Variants in PDP2 observed in about 807,000 individuals in gnomAD.
PDP2 encodes [Pyruvate dehydrogenase [acetyl-transferring]]-phosphatase 2, mitochondrial.
PDP2 carries 23 observed loss-of-function variants against 34.2 expected under a neutral mutation model. The observed-to-expected ratio is 0.67, with a 90% CI of 0.48 to 0.95. The LOEUF (loss-of-function observed/expected upper bound fraction) is 0.95, where lower values mean the gene tolerates loss of function less well. PDP2 is among the 40% of genes least tolerant of loss of function. The probability of loss-of-function intolerance (pLI) is 0.00; values close to 1 mark genes in which losing one functional copy is unlikely to be tolerated. For missense variants in PDP2, 571 were observed against 659.6 expected, an observed-to-expected ratio of 0.87 and a Z score of 1.47; for synonymous variants, 275 against 269.2, an observed-to-expected ratio of 1.02 and a Z score of -0.21.
chr16:66,885,745 G>A lies in PDP2; in HGVS notation c.1461G>A (p.Met487Ile), dbSNP rs1460352117. 6.2e-7 allele frequency: 1 copy of A among 1,613,858 alleles called. No homozygotes were observed. Among genetic ancestry groups the A allele is most frequent in the African/African-American group, 1.3e-5 (1 of 74,942 alleles). Residue 487 changes from methionine to isoleucine, a missense_variant, in exon 2 of 2, where the codon ATG (methionine) becomes ATA (isoleucine). This residue lies in a region of PDP2 where 281 missense variants were observed against 375.8 expected (regional missense o/e 0.75). Transcript: ENST00000311765. This position sits in a 1 kb window ranked among gnomAD's most constrained non-coding sequence, Gnocchi z 4.6. ...TCGGGAACAATGAGTATGGGGAGAT[G>A]GAGGCAGAGCGGCTGGCGGCGATGC... ...HAIGNNEYGEMEAERLAAMLT... is the reference protein window; with the variant it reads ...HAIGNNEYGEIEAERLAAMLT...
In PDP2 at chr16:66,885,731, G is replaced by A; in HGVS notation, c.1447G>A (p.Glu483Lys). Residue 483 changes from glutamate (E) to lysine (K), a missense_variant, in exon 2 of 2, where the codon GAG (glutamate) becomes AAG (lysine). By Grantham distance (56) the Glu-to-Lys change is moderately conservative. Coordinates refer to ENST00000311765, the MANE Select transcript of PDP2 (RefSeq NM_020786.4). The surrounding 1 kb of genome is among the most constrained non-coding windows in gnomAD (Gnocchi z 4.6). ...RLIRHAIGNN[E>K]YGEMEAERLA... ...GATCAGACATGCCATCGGGAACAAT[G>A]AGTATGGGGAGATGGAGGCAGAGCG... The A allele has an allele frequency of 6.2e-7, 1 of 1,614,038 alleles. No homozygotes were observed. Among genetic ancestry groups the A allele is most frequent in the Non-Finnish European group, 8.5e-7 (1 of 1,180,030 alleles).
chr16:66,882,854 C>G (rs1961579535), intron 1 of PDP2, among the ~76,000 whole-genome samples: 2 of 152,184 alleles, frequency 1.3e-5, no homozygotes, highest in Admixed American at 6.5e-5. Flanking sequence ...GAGACAGGGT[C>G]TTGCTCTGTT....
In PDP2 at chr16:66,889,232, A is replaced by G. The variant is rs1961906577; in HGVS notation, c.*3358A>G. 1 of 152,270 alleles carries G rather than the reference A, an allele frequency of 6.6e-6. No homozygotes were observed. Among genetic ancestry groups the G allele is most frequent in the Non-Finnish European group, 1.5e-5 (1 of 68,048 alleles). The allele number at this position is 152,270 out of a possible 1,614,324, so 9.4% of individuals were successfully genotyped here. ...TTTGGATGTAACTTTTGAAGAAAGTATGCTTTGGTGCTTAAAATTGTATAT... is the reference window on the plus strand; with the variant it reads ...TTTGGATGTAACTTTTGAAGAAAGTGTGCTTTGGTGCTTAAAATTGTATAT... On this transcript the variant is annotated 3_prime_UTR_variant, in exon 2 of 2. Transcript: ENST00000311765.
At position 66,884,617 on chromosome 16, in the gene PDP2, CA is replaced by C. The variant is rs770572421; in HGVS notation, c.335del (p.Asn112ThrfsTer15). On this transcript the variant is annotated frameshift_variant, in exon 2 of 2. Coordinates refer to ENST00000311765, the MANE Select transcript of PDP2 (RefSeq NM_020786.4). LOFTEE classifies it high-confidence loss of function. ...CAAATTCAGTGTTGCGGTTTGAGAG[CA>C]ACCAGCTGGCTGCCAATTCCCCAGT... Reference protein sequence around the residue: ...VPNSVLRFESNQLAANSPVED... With the variant: ...VPNSVLRFESXQLAANSPVED... The C allele has an allele frequency of 2.5e-6, 4 of 1,614,130 alleles. No homozygotes were observed. In the South Asian group the frequency reaches 4.4e-5, roughly 18 times the overall value.
rs753426784 is a variant in PDP2, at chr16:66,885,124, C to T, written c.840C>T (p.His280=). 1.8e-5 allele frequency: 29 copies of T among 1,613,830 alleles called. No homozygotes were observed. The Admixed American group carries it at 3.7e-4, about 20-fold the overall frequency. Residue 280 remains histidine (H), a synonymous_variant, in exon 2 of 2, where the codon CAC becomes CAT. Coordinates refer to ENST00000311765, the MANE Select transcript of PDP2 (RefSeq NM_020786.4). This position sits in a 1 kb window ranked among gnomAD's most constrained non-coding sequence, Gnocchi z 4.6. The part of the protein sequence containing the change: ...CMAHVDGIHL[H]VANAGDCRAI... ...CCCATGTTGATGGAATTCACTTGCA[C>T]GTGGCAAATGCTGGTGACTGCCGAG...
rs1211601216 is a variant in PDP2, at chr16:66,889,303, A to AT, written c.*3433dup. 1 of 151,918 alleles carries AT rather than the reference A, an allele frequency of 6.6e-6. No individual in the cohort carries two copies. The highest frequency in any genetic ancestry group is 1.5e-5 in the Non-Finnish European group (1 of 67,966). The allele number at this position is 151,918 out of a possible 1,614,324, so 9.4% of individuals were successfully genotyped here. ...GATAATATTGGCATAATTTAGATTT[A>AT]TTTTCTTTCTTTTTTTTGAGACAGT... is the stretch of plus-strand genomic sequence containing the variant. On this transcript the variant is annotated 3_prime_UTR_variant, in exon 2 of 2. Coordinates refer to ENST00000311765, the MANE Select transcript of PDP2 (RefSeq NM_020786.4).
rs1463265821 is a variant in PDP2, at chr16:66,889,197, C to T, written c.*3323C>T. The T allele has an allele frequency of 6.6e-6, 1 of 152,200 alleles. No individual in the cohort carries two copies. Among genetic ancestry groups the T allele is most frequent in the Non-Finnish European group, 1.5e-5 (1 of 68,038 alleles). The allele number at this position is 152,200 out of a possible 1,614,324, so 9.4% of individuals were successfully genotyped here. A position where few individuals can be genotyped will look rare whatever the true frequency, so the allele number is the denominator to read the frequency against. ...AAATGAACTGAAAAATGAGATTGAA[C>T]ATTTAATATTTTGGATGTAACTTTT... On this transcript the variant is annotated 3_prime_UTR_variant, in exon 2 of 2. Transcript: ENST00000311765.
chr16:66,887,851 C>G lies in PDP2; in HGVS notation c.*1977C>G, dbSNP rs1961829601. On this transcript the variant is annotated 3_prime_UTR_variant, in exon 2 of 2. Coordinates refer to ENST00000311765, the MANE Select transcript of PDP2 (RefSeq NM_020786.4). ...CCTGTAATCCCAGCTACTCGGGAGG[C>G]TGAGGCAGGAAAATCACTTGAACCC... 6.6e-6 allele frequency: 1 copy of G among 151,402 alleles called. No individual in the cohort carries two copies. 9.4% of individuals were successfully genotyped at this position (151,402 alleles called of 1,614,324 possible).
chr16:66,885,831 A>G lies in PDP2; in HGVS notation c.1547A>G (p.Tyr516Cys), dbSNP rs1961744668. 6.2e-7 allele frequency: 1 copy of G among 1,612,068 alleles called. No individual in the cohort carries two copies. The highest frequency in any genetic ancestry group is 2.2e-5 in the East Asian group (1 of 44,834). Reference protein sequence around the residue: ...YRDDITVTVVYFNSESIGAYY... With the variant: ...YRDDITVTVVCFNSESIGAYY... The stretch of plus-strand genomic sequence containing the variant: ...GATGATATCACTGTCACTGTGGTGT[A>G]TTTTAACTCAGAATCAATCGGTGCA... The change falls in exon 2 of 2, where the codon TAT (tyrosine) becomes TGT (cysteine). Residue 516 changes from tyrosine to cysteine, a missense_variant. Physicochemically the swap from Tyr to Cys is radical, Grantham distance 194 (BLOSUM62 -2). Around this residue, in one of 2 missense-constraint regions of PDP2, gnomAD observed 281 missense variants for 375.8 expected, o/e 0.75. Coordinates refer to ENST00000311765, the MANE Select transcript of PDP2 (RefSeq NM_020786.4). This position sits in a 1 kb window ranked among gnomAD's most constrained non-coding sequence, Gnocchi z 4.6.
rs1961643440 is a variant in PDP2 at position 66,884,368 on chromosome 16, C to T, written c.84C>T (p.Ser28=). ...ATLQGGRRLY[S]RYVSNRNKLK... ...TGCAAGGGGGTAGACGCTTATACTC[C>T]AGGTATGTCTCAAATAGGAATAAAT... Residue 28 remains serine (S), a synonymous_variant, in exon 2 of 2, where the codon TCC becomes TCT. Transcript: ENST00000311765. 2 of 1,613,966 alleles carry T rather than the reference C, an allele frequency of 1.2e-6. No individual in the cohort carries two copies. The highest frequency in any genetic ancestry group is 1.7e-6 in the Non-Finnish European group (2 of 1,179,928).
At chr16:66,883,620 T>A (rs186285496) in intron 1 of PDP2, among the ~76,000 whole-genome samples, 8 of 151,672 alleles carry the variant, frequency 5.3e-5, no homozygotes, top group African/African-American at 9.7e-5. Context: ...TTATTTTTTT[T>A]ATTTTTTTGG....
chr16:66,886,415 TG>T lies in PDP2; in HGVS notation c.*542del. ...TATGCAATATCCTAACTTTTTTTTT[TG>T]TGATTATGCTTGTGAGAAATTTTGT... On this transcript the variant is annotated 3_prime_UTR_variant, in exon 2 of 2. Transcript: ENST00000311765. 2.7e-6 allele frequency: 1 copy of T among 366,914 alleles called. No individual in the cohort carries two copies. Among genetic ancestry groups the T allele is most frequent in the Non-Finnish European group, 5.9e-6 (1 of 168,436 alleles). The allele number at this position is 366,914 out of a possible 1,614,324, so 22.7% of individuals were successfully genotyped here. A position where few individuals can be genotyped will look rare whatever the true frequency, so the allele number is the denominator to read the frequency against.
Position 66,886,557 on chromosome 16 carries a change from C to A in PDP2, c.*683C>A. 1 of 469,372 alleles carries A rather than the reference C, an allele frequency of 2.1e-6. No individual in the cohort carries two copies. The highest frequency in any genetic ancestry group is 1.6e-5 in the South Asian group (1 of 64,440). The allele number at this position is 469,372 out of a possible 1,614,324, so 29.1% of individuals were successfully genotyped here. On this transcript the variant is annotated 3_prime_UTR_variant, in exon 2 of 2. Transcript: ENST00000311765. ...TGTTTTGGTTTTCAGCTGATAGGAT[C>A]TATGCCTCTGGACCAGCTGAACTTA...
At chr16:66,883,369 T>C (rs563327649) in intron 1 of PDP2, among the ~76,000 whole-genome samples, 1 of 152,228 alleles carries the variant, frequency 6.6e-6, no homozygotes, top group East Asian at 1.9e-4. Context: ...CCTGAACTCG[T>C]GATCAGCCCA....
Position 66,884,280 on chromosome 16 carries a change from T to C in PDP2, c.-5T>C. 1 of 1,549,334 alleles carries C rather than the reference T, an allele frequency of 6.5e-7. No individual in the cohort carries two copies. Among genetic ancestry groups the C allele is most frequent in the African/African-American group, 1.4e-5 (1 of 72,816 alleles). ...AAGGAACACATTTGCTGGTATAGTT[T>C]CAGAATGTCAAGTACTGTGTCCTAC... On this transcript the variant is annotated 5_prime_UTR_variant, in exon 2 of 2. Coordinates refer to ENST00000311765, the MANE Select transcript of PDP2 (RefSeq NM_020786.4).
Position 66,886,240 on chromosome 16 carries a change from T to G in PDP2, c.*366T>G, listed in dbSNP as rs1961760438. 1.1e-5 allele frequency: 3 copies of G among 262,384 alleles called. No homozygotes were observed. Among genetic ancestry groups the G allele is most frequent in the African/African-American group, 6.7e-5 (3 of 44,590 alleles). 16.3% of individuals were successfully genotyped at this position (262,384 alleles called of 1,614,324 possible). A position where few individuals can be genotyped will look rare whatever the true frequency, so the allele number is the denominator to read the frequency against. On this transcript the variant is annotated 3_prime_UTR_variant, in exon 2 of 2. Coordinates refer to ENST00000311765, the MANE Select transcript of PDP2 (RefSeq NM_020786.4). ...GAGAATAAAGAACTTCAGGAGCTTC[T>G]TAGGTCTTGCCACAAAAATCTGCAA...
chr16:66,881,659 G>A (rs1191430245), intron 1 of PDP2, among the ~76,000 whole-genome samples: 1 of 152,090 alleles, frequency 6.6e-6, no homozygotes, highest in Non-Finnish European at 1.5e-5. Context: ...GCATAAAGCA[G>A]TACAGTTTGG....
rs994586638 is a variant in PDP2 at position 66,886,645 on chromosome 16, G to C, written c.*771G>C. On this transcript the variant is annotated 3_prime_UTR_variant, in exon 2 of 2. Coordinates refer to ENST00000311765, the MANE Select transcript of PDP2 (RefSeq NM_020786.4). ...CCAGAAACTTTGAGCCATGCTAGGA[G>C]GTAACTAGTCTATGCCTTAACTCCT... The C allele has an allele frequency of 2.4e-6, 1 of 420,508 alleles. No homozygotes were observed. The highest frequency in any genetic ancestry group is 5.2e-6 in the Non-Finnish European group (1 of 193,340). The allele number at this position is 420,508 out of a possible 1,614,324, so 26.0% of individuals were successfully genotyped here.
Position 66,884,524 on chromosome 16 carries a change from G to A in PDP2, c.240G>A (p.Glu80=). The A allele has an allele frequency of 6.2e-7, 1 of 1,614,232 alleles. No individual in the cohort carries two copies. The highest frequency in any genetic ancestry group is 8.5e-7 in the Non-Finnish European group (1 of 1,180,048). Residue 80 remains glutamate, a synonymous_variant, in exon 2 of 2, where the codon GAG becomes GAA. Transcript: ENST00000311765. ...EDDFHLQLSP[E]QINEVLRAGE... ...ATTTTCACTTGCAACTCAGCCCTGAGCAGATAAATGAAGTGCTTCGAGCTG... is the reference window on the plus strand; with the variant it reads ...ATTTTCACTTGCAACTCAGCCCTGAACAGATAAATGAAGTGCTTCGAGCTG...
Sources: allele counts gnomAD v4.1 joint callset (sites outside exome capture counted in the v4.1 genomes callset), GRCh38; gene constraint gnomAD v4.1.1; regional missense constraint gnomAD v4.1.1; non-coding constraint Gnocchi (gnomAD v3.1); transcripts MANE v1.5; gene names NCBI Gene and HGNC (gene_info 2026-07-23, HGNC 2026-07-21).